Variants in CEP85L observed in about 807,000 individuals in gnomAD.
CEP85L encodes the protein centrosomal protein 85L, also known as centrosomal protein of 85 kDa-like.
A neutral mutation model predicts 100.3 loss-of-function variants in CEP85L; 60 were observed. The observed-to-expected ratio is 0.60, with a 90% CI of 0.49 to 0.74. The LOEUF is 0.74. CEP85L is among the 30% of genes least tolerant of loss of function. The probability of loss-of-function intolerance (pLI) is 0.00; values close to 1 mark genes in which losing one functional copy is unlikely to be tolerated. For missense variants in CEP85L, 973 were observed against 936.2 expected, an observed-to-expected ratio of 1.04 and a Z score of -0.51; for synonymous variants, 319 against 322.7, an observed-to-expected ratio of 0.99 and a Z score of 0.12.
At chr6:118,470,470 T>TA in intron 11 of CEP85L, 67 bp downstream of exon 11, 1 of 834,282 alleles carries the variant, frequency 1.2e-6, no homozygotes, top group Non-Finnish European at 1.8e-6. Flanking sequence ...GCTCTATTAA[T>TA]ATCTATAAAA....
intron 3 of CEP85L, among the ~76,000 whole-genome samples, chr6:118,561,361 CAG>C (rs1470279916): frequency 2.6e-5 from 4 of 152,038 alleles, no homozygotes. Context: ...TCTCAGTAAA[CAG>C]AAATAACTAA....
chr6:118,557,078 T>G (rs1054965199), intron 3 of CEP85L, among the ~76,000 whole-genome samples: 4 of 152,190 alleles, frequency 2.6e-5, no homozygotes, highest in Non-Finnish European at 2.9e-5. Flanking sequence ...TGTTCCAAGC[T>G]TGACAGTCTT....
intron 3 of CEP85L, among the ~76,000 whole-genome samples, chr6:118,531,829 T>C (rs1262125060): frequency 1.3e-5 from 2 of 151,904 alleles, no homozygotes; most frequent in Admixed American, 6.6e-5. Flanking sequence ...CCAGTCAGAA[T>C]GGTTATTACT....
intron 2 of CEP85L, among the ~76,000 whole-genome samples, chr6:118,578,720 T>G (rs1780390316): frequency 6.6e-6 from 1 of 151,988 alleles, no homozygotes; most frequent in Admixed American, 6.6e-5. Context: ...CGGGCAAGAC[T>G]CCATCTCAAA....
intron 2 of CEP85L, among the ~76,000 whole-genome samples, chr6:118,579,149 G>A (rs1780417624): frequency 6.6e-6 from 1 of 152,008 alleles, no homozygotes; most frequent in African/African-American, 2.4e-5. Context: ...GCCTGCCTTG[G>A]CTTCCCATAG....
chr6:118,656,284 G>A (rs1775784725), upstream of CEP85L, among the ~76,000 whole-genome samples: 2 of 152,250 alleles, frequency 1.3e-5, no homozygotes, highest in South Asian at 4.1e-4. Context: ...GGGAAACTGG[G>A]TGTAGCCTAT....
chr6:118,488,355 A>C (rs1774331501), intron 6 of CEP85L, among the ~76,000 whole-genome samples: 1 of 152,086 alleles, frequency 6.6e-6, no homozygotes, highest in African/African-American at 2.4e-5. Context: ...ATACTTTACC[A>C]AACAAATCTT....
At chr6:118,587,988 T>A (rs544331509) in intron 2 of CEP85L, among the ~76,000 whole-genome samples, 1 of 152,244 alleles carries the variant, frequency 6.6e-6, no homozygotes, top group Non-Finnish European at 1.5e-5. Flanking sequence ...TTGTGGCTCC[T>A]GGATACACTT....
intron 2 of CEP85L, among the ~76,000 whole-genome samples, chr6:118,568,905 G>A (rs983624628): frequency 5.9e-5 from 9 of 151,830 alleles, no homozygotes; most frequent in African/African-American, 1.9e-4. Context: ...TACTAAAGGA[G>A]TAGTTATACT....
chr6:118,475,062 T>C (rs1241656523), intron 10 of CEP85L, among the ~76,000 whole-genome samples: 2 of 152,178 alleles, frequency 1.3e-5, no homozygotes, highest in African/African-American at 2.4e-5. Context: ...TGGCTACAAT[T>C]AGTGGAGCCT....
chr6:118,685,043 T>A (rs578153972), intron 1 of CEP85L, among the ~76,000 whole-genome samples: 1 of 152,206 alleles, frequency 6.6e-6, no homozygotes, highest in African/African-American at 2.4e-5. Flanking sequence ...ACTATTAATA[T>A]ACTAATTATT....
intron 2 of CEP85L, among the ~76,000 whole-genome samples, chr6:118,603,300 G>A (rs182893543): frequency 9.9e-5 from 15 of 152,210 alleles, no homozygotes; most frequent in Non-Finnish European, 1.9e-4. Context: ...GACTGTGTAG[G>A]CAAGGAATGA....
At chr6:118,647,262 A>AT (rs1269158703) in intron 1 of CEP85L, among the ~76,000 whole-genome samples, 1 of 152,220 alleles carries the variant, frequency 6.6e-6, no homozygotes, top group South Asian at 2.1e-4. Flanking sequence ...AACAAATGAC[A>AT]TTTTTTCAGC....
chr6:118,688,595 T>C (rs770356930), intron 1 of CEP85L, among the ~76,000 whole-genome samples: 1 of 152,254 alleles, frequency 6.6e-6, no homozygotes, highest in Non-Finnish European at 1.5e-5. Context: ...TATTTTCGAA[T>C]AAACCTTTTG....
At chr6:118,692,305 G>A (rs1777070416) in intron 1 of CEP85L, among the ~76,000 whole-genome samples, 1 of 152,272 alleles carries the variant, frequency 6.6e-6, no homozygotes, top group South Asian at 2.1e-4. Context: ...CTAACCTTCA[G>A]TAAAGCTTAA....
intron 1 of CEP85L, among the ~76,000 whole-genome samples, chr6:118,668,185 C>T (rs1451611785): frequency 6.6e-6 from 1 of 152,150 alleles, no homozygotes; most frequent in African/African-American, 2.4e-5. Context: ...TAAGAATATG[C>T]AGTGCTTGTG....
chr6:118,572,343 C>G (rs889749362), intron 2 of CEP85L, among the ~76,000 whole-genome samples: 1 of 144,382 alleles, frequency 6.9e-6, no homozygotes. Context: ...GTGACGAGGT[C>G]AAGATATCAA....
At chr6:118,529,608 CAAAAAAAAAAAAAAA>C (rs55732442) in intron 3 of CEP85L, among the ~76,000 whole-genome samples, 8 of 92,526 alleles carry the variant, frequency 8.6e-5, no homozygotes, top group Admixed American at 5.2e-4. Context: ...ACTCTGTCTC[CAAAAAAAAAAAAAAA>C]AAAAAAAAAA....
At chr6:118,598,165 T>G (rs772795691) in intron 2 of CEP85L, among the ~76,000 whole-genome samples, 1 of 152,228 alleles carries the variant, frequency 6.6e-6, no homozygotes, top group African/African-American at 2.4e-5. Flanking sequence ...CACATCATTC[T>G]TCCCTCAAAA....
Sources: gnomAD v4.1 joint callset for allele counts (sites outside exome capture counted in the v4.1 genomes callset) on GRCh38, gnomAD v4.1.1 for gene constraint, MANE v1.5 for transcripts, NCBI Gene and HGNC (gene_info 2026-07-23, HGNC 2026-07-21) for gene names.